GABRB1: variants seen among roughly 807,000 people sequenced by gnomAD.
GABRB1 encodes the protein gamma-aminobutyric acid type A receptor subunit beta1.
Under a neutral mutation model 51.6 loss-of-function variants are expected in GABRB1, and 17 were observed. The ratio of observed to expected loss-of-function variants is 0.33; its 90% CI spans 0.23 to 0.49. GABRB1 has a LOEUF of 0.49. Ranked by LOEUF, GABRB1 falls within the 20% of genes least tolerant of loss-of-function variation. The probability of loss-of-function intolerance (pLI) is 0.99; values close to 1 mark genes in which losing one functional copy is unlikely to be tolerated. For synonymous variants in GABRB1, 247 were observed against 218.9 expected, an observed-to-expected ratio of 1.13 and a Z score of -1.14; for missense variants, 410 against 600.6, an observed-to-expected ratio of 0.68 and a Z score of 3.32.
chr4:47,077,892 ATT>A (rs1163714688), intron 3 of GABRB1, among the ~76,000 whole-genome samples: 4 of 139,170 alleles, frequency 2.9e-5, no homozygotes, highest in East Asian at 4.0e-4. Flanking sequence ...TTTTATATAT[ATT>A]ATATGTATTT....
chr4:47,186,154 A>G (rs1364859489), intron 4 of GABRB1, among the ~76,000 whole-genome samples: 1 of 149,514 alleles, frequency 6.7e-6, no homozygotes, highest in Non-Finnish European at 1.5e-5. Flanking sequence ...TTTAACAAAT[A>G]GAATTTCGAT....
chr4:47,233,610 G>T (rs1721223815), intron 4 of GABRB1, among the ~76,000 whole-genome samples: 1 of 152,022 alleles, frequency 6.6e-6, no homozygotes, highest in South Asian at 2.1e-4. Flanking sequence ...GGAGCTTTTT[G>T]TCCTTATATA....
intron 4 of GABRB1, among the ~76,000 whole-genome samples, chr4:47,188,619 C>A (rs1719293896): frequency 6.6e-6 from 1 of 151,910 alleles, no homozygotes; most frequent in Admixed American, 6.6e-5. Flanking sequence ...AAAAAACATT[C>A]TTTCTATTCC....
At chr4:47,336,802 G>T (rs1725717828) in intron 5 of GABRB1, among the ~76,000 whole-genome samples, 1 of 152,162 alleles carries the variant, frequency 6.6e-6, no homozygotes, top group Non-Finnish European at 1.5e-5. Context: ...TTACAGTTAT[G>T]AGGGGGATAA....
chr4:47,352,787 CTTTG>C (rs1264813618), intron 5 of GABRB1, among the ~76,000 whole-genome samples: 5 of 152,244 alleles, frequency 3.3e-5, no homozygotes, highest in Admixed American at 6.5e-5. Context: ...ATTTGAGATA[CTTTG>C]TTTATTTCTT....
At chr4:47,196,679 G>T (rs1002974167) in intron 4 of GABRB1, among the ~76,000 whole-genome samples, 2 of 152,282 alleles carry the variant, frequency 1.3e-5, no homozygotes, top group East Asian at 1.9e-4. Context: ...TGTTGTTAGA[G>T]TTCTAAGAAA....
intron 4 of GABRB1, among the ~76,000 whole-genome samples, chr4:47,238,286 T>C (rs769069560): frequency 1.1e-4 from 16 of 152,238 alleles, no homozygotes; most frequent in Non-Finnish European, 2.4e-4. Flanking sequence ...ACATGTATGA[T>C]CATTATACCG....
chr4:47,291,853 T>C (rs1723749618), intron 4 of GABRB1, among the ~76,000 whole-genome samples: 1 of 152,208 alleles, frequency 6.6e-6, no homozygotes, highest in South Asian at 2.1e-4. Context: ...ATAACTAACC[T>C]GCTTTTGATT....
intron 4 of GABRB1, among the ~76,000 whole-genome samples, chr4:47,282,376 G>C (rs1723324111): frequency 6.6e-6 from 1 of 152,078 alleles, no homozygotes; most frequent in African/African-American, 2.4e-5. Flanking sequence ...ACCTGGGTGG[G>C]CTTATAAGCC....
intron 5 of GABRB1, among the ~76,000 whole-genome samples, chr4:47,363,958 T>A (rs1726891528): frequency 6.6e-6 from 1 of 152,178 alleles, no homozygotes; most frequent in Admixed American, 6.5e-5. Flanking sequence ...CAGAGAATAT[T>A]CTTTTATGAG....
At chr4:47,338,474 G>A (rs969714349) in intron 5 of GABRB1, among the ~76,000 whole-genome samples, 5 of 152,228 alleles carry the variant, frequency 3.3e-5, no homozygotes, top group South Asian at 2.1e-4. Context: ...GAAACCTTTC[G>A]TTGATATTTT....
At chr4:47,389,800 A>T (rs1313921061) in intron 5 of GABRB1, among the ~76,000 whole-genome samples, 1 of 152,250 alleles carries the variant, frequency 6.6e-6, no homozygotes, top group Non-Finnish European at 1.5e-5. Context: ...GTGTAAAGCA[A>T]TCTACATTGC....
chr4:47,311,567 C>A (rs1578085408), intron 4 of GABRB1, among the ~76,000 whole-genome samples: 1 of 151,986 alleles, frequency 6.6e-6, no homozygotes, highest in Admixed American at 6.6e-5. Flanking sequence ...CAAATGCCCC[C>A]TAGAAGCTGA....
At chr4:47,289,848 A>G (rs1480821657) in intron 4 of GABRB1, among the ~76,000 whole-genome samples, 4 of 152,218 alleles carry the variant, frequency 2.6e-5, no homozygotes, top group Non-Finnish European at 4.4e-5. Context: ...AAACTATGTT[A>G]TGGCATTTCA....
In GABRB1 at chr4:47,383,982, A is replaced by T. The variant is rs143826505; in HGVS notation, c.545-19336A>T. 3.0e-4 allele frequency among the ~76,000 whole-genome samples: 45 copies of T among 152,270 alleles called. No homozygotes were observed. The East Asian group carries it at 7.9e-3, about 27-fold the overall frequency. ...CTGTAACTAAAGGAATAAAATCTTC[A>T]CAGTATCATGTCGCTGCCTATGAAT... On this transcript the variant is annotated intron_variant, in intron 5 of 8. Transcript: ENST00000295454.
chr4:47,280,814 A>ATT (rs750413197), intron 4 of GABRB1, among the ~76,000 whole-genome samples: 4,191 of 124,906 alleles, frequency 0.034, 136 homozygotes, highest in African/African-American at 0.08. Context: ...TGTCTGGCTA[A>ATT]TTTTTTTTTT....
chr4:47,059,067 A>T (rs1187892266), intron 3 of GABRB1, among the ~76,000 whole-genome samples: 2 of 152,208 alleles, frequency 1.3e-5, no homozygotes. Flanking sequence ...AGAAAACTTC[A>T]ATTCGGTTGG....
chr4:47,038,484 C>G (rs1725693326), intron 3 of GABRB1, among the ~76,000 whole-genome samples: 1 of 152,166 alleles, frequency 6.6e-6, no homozygotes, highest in African/African-American at 2.4e-5. Context: ...AACACTGCTC[C>G]ACCACAACTG....
Position 47,423,707 on chromosome 4 carries a change from A to G in GABRB1, c.1081-1967A>G, listed in dbSNP as rs1375832175. 3.9e-5 allele frequency among the ~76,000 whole-genome samples: 6 copies of G among 152,236 alleles called. No individual in the cohort carries two copies. The South Asian group carries it at 1.0e-3, about 26-fold the overall frequency. On this transcript the variant is annotated intron_variant, in intron 8 of 8. Coordinates refer to ENST00000295454, the MANE Select transcript of GABRB1 (RefSeq NM_000812.4). ...TTGATTAACATACAAAGAGGAGAGA[A>G]AATAATATTTGAGACAAAGAATATT... is the stretch of plus-strand genomic sequence containing the variant.
Sources: allele counts gnomAD v4.1 joint callset (sites outside exome capture counted in the v4.1 genomes callset), GRCh38; gene constraint gnomAD v4.1.1; transcripts MANE v1.5; gene names NCBI Gene and HGNC (gene_info 2026-07-23, HGNC 2026-07-21).